SMYD4: variants seen among roughly 807,000 people sequenced by gnomAD.
SMYD4 encodes the protein protein-lysine N-methyltransferase SMYD4.
In SMYD4, 68 loss-of-function variants were observed where a neutral mutation model predicts 72.8. That is an observed-to-expected ratio of 0.93 (90% CI 0.77 to 1.14). SMYD4 has a LOEUF of 1.14. Among genes scored for constraint, SMYD4 ranks in the 50% most tolerant of loss-of-function variants. The pLI is 0.00. For synonymous variants in SMYD4, 407 were observed against 388.6 expected, an observed-to-expected ratio of 1.05 and a Z score of -0.56; for missense variants, 984 against 1,003.7, an observed-to-expected ratio of 0.98 and a Z score of 0.27.
rs1300013220 is a variant in SMYD4 at position 1,800,799 on chromosome 17, G to A, written c.595C>T (p.Gln199Ter). Residue 199 changes from glutamine (Q) to a stop codon, truncating the protein, a stop_gained, in exon 5 of 11, where the codon CAA becomes TAA. Transcript: ENST00000305513. LOFTEE classifies it high-confidence loss of function. ...RNLHRLKMKMQEKDSLTESFP... is the reference protein window; with the variant it reads ...RNLHRLKMKM ...CTTTCTGTGAGACTGTCCTTTTCTTGCATCTTCATTTTCAGACGATGGAGG... is the reference window on the plus strand; with the variant it reads ...CTTTCTGTGAGACTGTCCTTTTCTTACATCTTCATTTTCAGACGATGGAGG... The A allele has an allele frequency of 1.2e-6, 2 of 1,614,082 alleles. No individual in the cohort carries two copies. Among genetic ancestry groups the A allele is most frequent in the Non-Finnish European group, 8.5e-7 (1 of 1,180,044 alleles).
At chr17:1,795,977 T>A (rs1329575757) in intron 5 of SMYD4, among the ~76,000 whole-genome samples, 2 of 152,086 alleles carry the variant, frequency 1.3e-5, no homozygotes, top group East Asian at 1.9e-4. Context: ...ATGTATATAT[T>A]TTTAAAACAT....
At position 1,828,008 on chromosome 17, in the gene SMYD4, T is replaced by C; in HGVS notation, c.-12-2A>G. 3.8e-6 allele frequency: 6 copies of C among 1,598,526 alleles called. No homozygotes were observed. Among genetic ancestry groups the C allele is most frequent in the Non-Finnish European group, 5.1e-6 (6 of 1,167,488 alleles). ...AGGCAGATCCATGCTGCTTTTGATC[T>C]ATAAAATGAGTAAGAAAATAGGAAT... On this transcript the variant is annotated splice_acceptor_variant, in intron 1 of 10. Coordinates refer to ENST00000305513, the MANE Select transcript of SMYD4 (RefSeq NM_052928.3). LOFTEE classifies it low-confidence loss of function (5UTR_SPLICE).
chr17:1,783,802 A>G (rs1908505768), intron 8 of SMYD4: 1 of 395,470 alleles, frequency 2.5e-6, no homozygotes, highest in Non-Finnish European at 4.6e-6. Flanking sequence ...GTCAACTTTC[A>G]TAAAGCAGGG....
At chr17:1,813,367 A>G (rs936828783) in intron 2 of SMYD4, among the ~76,000 whole-genome samples, 1 of 152,228 alleles carries the variant, frequency 6.6e-6, no homozygotes, top group Admixed American at 6.6e-5. Flanking sequence ...ATCATAAAGT[A>G]AATGTAGTAA....
Position 1,800,814 on chromosome 17 carries a change from G to A in SMYD4, c.580C>T (p.Leu194=). The change falls in exon 5 of 11, where the codon CTG becomes TTG. Residue 194 remains leucine (L), a synonymous_variant. Coordinates refer to ENST00000305513, the MANE Select transcript of SMYD4 (RefSeq NM_052928.3). ...TCCTTTTCTTGCATCTTCATTTTCAGACGATGGAGGTTTCTCTGCAGAGTC... is the reference window on the plus strand; with the variant it reads ...TCCTTTTCTTGCATCTTCATTTTCAAACGATGGAGGTTTCTCTGCAGAGTC... The part of the protein sequence containing the change: ...PQTLQRNLHR[L]KMKMQEKDSL... The A allele has an allele frequency of 6.2e-7, 1 of 1,614,198 alleles. No individual in the cohort carries two copies. Among genetic ancestry groups the A allele is most frequent in the East Asian group, 2.2e-5 (1 of 44,888 alleles).
chr17:1,787,678 G>A (rs1007463794), intron 5 of SMYD4, 74 bp from the exon 6 acceptor site: 5 of 1,442,180 alleles, frequency 3.5e-6, no homozygotes, highest in Non-Finnish European at 4.6e-6. Flanking sequence ...TTCCTCAGAA[G>A]ATGAGCTGGG....
rs1209288196 is a variant in SMYD4 at position 1,783,477 on chromosome 17, C to T, written c.2021-1G>A. 22 of 1,603,824 alleles carry T rather than the reference C, an allele frequency of 1.4e-5. No homozygotes were observed. The highest frequency in any genetic ancestry group is 1.9e-5 in the Non-Finnish European group (22 of 1,175,456). On this transcript the variant is annotated splice_acceptor_variant, in intron 8 of 10. Transcript: ENST00000305513. LOFTEE classifies it high-confidence loss of function. ...CCCGACAGCCGCTGAACAGCTCGCT[C>T]TGTCAATGCAGAGGAAAGACGTCTC... is the stretch of plus-strand genomic sequence containing the variant.
At chr17:1,785,776 G>GAAAAAAAGA (rs1908653913) in intron 7 of SMYD4, among the ~76,000 whole-genome samples, 1 of 13,908 alleles carries the variant, frequency 7.2e-5, no homozygotes, top group African/African-American at 2.6e-4. Flanking sequence ...AAAAAAAAAA[G>GAAAAAAAGA]AAAAAAAAAA....
At chr17:1,818,376 A>T (rs954359832) in intron 2 of SMYD4, among the ~76,000 whole-genome samples, 1 of 152,114 alleles carries the variant, frequency 6.6e-6, no homozygotes, top group African/African-American at 2.4e-5. Flanking sequence ...TTTTTCTCTA[A>T]GCCATTTGAA....
chr17:1,794,045 ATATATATGTGTG>A (rs1187313743), intron 5 of SMYD4, among the ~76,000 whole-genome samples: 40 of 90,968 alleles, frequency 4.4e-4, no homozygotes, highest in Middle Eastern at 5.2e-3. Context: ...ATGTATGTAT[ATATATATGTGTG>A]TATATATATG....
intron 5 of SMYD4, among the ~76,000 whole-genome samples, chr17:1,791,837 C>T (rs1482314800): frequency 6.6e-6 from 1 of 151,880 alleles, no homozygotes; most frequent in Non-Finnish European, 1.5e-5. Flanking sequence ...CAGTGAGCTA[C>T]GATCGCCCCA....
chr17:1,791,809 C>T (rs535461101), intron 5 of SMYD4, among the ~76,000 whole-genome samples: 26 of 152,130 alleles, frequency 1.7e-4, no homozygotes, highest in African/African-American at 5.3e-4. Flanking sequence ...ATCGCTTGAG[C>T]CCAGGAGTTT....
chr17:1,803,263 C>T (rs1297651177), intron 4 of SMYD4, among the ~76,000 whole-genome samples: 1 of 152,172 alleles, frequency 6.6e-6, no homozygotes, highest in African/African-American at 2.4e-5. Context: ...CAGGCAGACA[C>T]GGGCAGTTCA....
chr17:1,784,229 A>G (rs1567764053), intron 8 of SMYD4, 97 bp downstream of exon 8: 4 of 1,543,786 alleles, frequency 2.6e-6, no homozygotes, highest in Non-Finnish European at 3.5e-6. Context: ...ATTACATCCA[A>G]TTCTCCCATC....
At chr17:1,793,209 G>A (rs1909156760) in intron 5 of SMYD4, among the ~76,000 whole-genome samples, 1 of 152,096 alleles carries the variant, frequency 6.6e-6, no homozygotes, top group Non-Finnish European at 1.5e-5. Flanking sequence ...GAGCCACTGT[G>A]CCTGGCCGCT....
intron 3 of SMYD4, 118 bp from the exon 4 acceptor site, chr17:1,804,833 C>T: frequency 1.1e-6 from 1 of 921,950 alleles, no homozygotes; most frequent in East Asian, 2.8e-5. Flanking sequence ...AGTTACTGAA[C>T]CTCTTTGTGC....
intron 5 of SMYD4, among the ~76,000 whole-genome samples, chr17:1,798,517 C>G (rs1597377709): frequency 6.6e-6 from 1 of 152,214 alleles, no homozygotes; most frequent in Non-Finnish European, 1.5e-5. Flanking sequence ...AATCCCAGCA[C>G]TTGGGGAGGC....
rs1033388306 is a variant in SMYD4, at chr17:1,779,926, G to C, written c.*1360C>G. The stretch of plus-strand genomic sequence containing the variant: ...ACCACAGGAATGTTCCAGGGAAACA[G>C]ACTATCATCACTGAGCGAGGTGGAA... On this transcript the variant is annotated 3_prime_UTR_variant, in exon 11 of 11. Coordinates refer to ENST00000305513, the MANE Select transcript of SMYD4 (RefSeq NM_052928.3). The C allele has an allele frequency of 1.0e-4, 16 of 152,640 alleles. No individual in the cohort carries two copies. The highest frequency in any genetic ancestry group is 3.8e-4 in the East Asian group (2 of 5,204). The allele number at this position is 152,640 out of a possible 1,614,324, so 9.5% of individuals were successfully genotyped here.
rs59420310 is a variant in SMYD4, at chr17:1,794,105, ATTTTT to A, written c.1537+5747_1537+5751del. On this transcript the variant is annotated intron_variant, in intron 5 of 10. Transcript: ENST00000305513. ...TGTATATATATATATATATATATAT[ATTTTT>A]TTTTTTTTTTTTTTTTTGAGATGGA... 5.9e-3 allele frequency among the ~76,000 whole-genome samples: 76 copies of A among 12,990 alleles called. 2 individuals carry two copies. The highest frequency in any genetic ancestry group is 6.9e-3 in the Non-Finnish European group (50 of 7,264). The allele number at this position is 12,990 out of a possible 152,430, so 8.5% of individuals were successfully genotyped here.
Sources: allele counts gnomAD v4.1 joint callset (sites outside exome capture counted in the v4.1 genomes callset), GRCh38; gene constraint gnomAD v4.1.1; transcripts MANE v1.5; gene names NCBI Gene and HGNC (gene_info 2026-07-23, HGNC 2026-07-21).